The following TP53BP2 variants were observed in gnomAD, a reference collection of about 807,000 sequenced individuals.
The protein encoded by TP53BP2 is apoptosis-stimulating of p53 protein 2.
In TP53BP2, 62 loss-of-function variants were observed where a neutral mutation model predicts 126.2. The observed-to-expected ratio is 0.49, with a 90% CI of 0.40 to 0.61. The LOEUF is 0.61. Among genes scored for constraint, TP53BP2 ranks in the 20% least tolerant of loss-of-function variants. TP53BP2 has a pLI of 0.00. For synonymous variants in TP53BP2, 485 were observed against 502.9 expected, an observed-to-expected ratio of 0.96 and a Z score of 0.48; for missense variants, 1,215 against 1,402.8, an observed-to-expected ratio of 0.87 and a Z score of 2.14.
chr1:223,816,867 A>T (rs1201149915), intron 2 of TP53BP2, among the ~76,000 whole-genome samples: 2 of 151,386 alleles, frequency 1.3e-5, no homozygotes, highest in Admixed American at 6.6e-5. Context: ...AAAAAAAAAA[A>T]TGTGTGGCCT....
At chr1:223,844,577 A>G (rs1249199439) in intron 1 of TP53BP2, among the ~76,000 whole-genome samples, 1 of 152,198 alleles carries the variant, frequency 6.6e-6, no homozygotes, top group Non-Finnish European at 1.5e-5. Flanking sequence ...TGCTATTAAT[A>G]CTTTCAAATT....
intron 15 of TP53BP2, among the ~76,000 whole-genome samples, chr1:223,790,193 T>C (rs1571839386): frequency 6.6e-6 from 1 of 150,622 alleles, no homozygotes; most frequent in Non-Finnish European, 1.5e-5. Context: ...GAGGTGGAGG[T>C]TGCAGTGAGC....
At chr1:223,819,643 G>A (rs1350413616) in intron 2 of TP53BP2, among the ~76,000 whole-genome samples, 4 of 150,626 alleles carry the variant, frequency 2.7e-5, no homozygotes, top group Middle Eastern at 3.4e-3. Flanking sequence ...CCAAGATCGC[G>A]CCACTGCACT....
At chr1:223,807,044 C>T in intron 4 of TP53BP2, 97 bp from the exon 5 acceptor site, 3 of 767,516 alleles carry the variant, frequency 3.9e-6, no homozygotes, top group Non-Finnish European at 6.3e-6. Flanking sequence ...TTCATATGAA[C>T]CAACTATGAC....
intron 17 of TP53BP2, among the ~76,000 whole-genome samples, 171 bp downstream of exon 17, chr1:223,783,944 T>C (rs980792199): frequency 6.6e-6 from 1 of 152,202 alleles, no homozygotes; most frequent in African/African-American, 2.4e-5. Context: ...TTATTGGTCA[T>C]AATAAGAATC....
intron 9 of TP53BP2, 22 bp downstream of exon 9, chr1:223,802,094 T>C (rs1303413580): frequency 6.2e-7 from 1 of 1,608,176 alleles, no homozygotes; most frequent in Admixed American, 1.7e-5. Context: ...CAGGAAGAAC[T>C]AGGCTGTGCA....
Position 223,804,070 on chromosome 1 carries a change from G to A in TP53BP2, c.649+104C>T, listed in dbSNP as rs1033555590. The A allele has an allele frequency of 1.0e-5, 13 of 1,246,710 alleles. No individual in the cohort carries two copies. The African/African-American group carries it at 1.8e-4, about 17-fold the overall frequency. 77.2% of individuals were successfully genotyped at this position (1,246,710 alleles called of 1,614,324 possible). A position where few individuals can be genotyped will look rare whatever the true frequency, so the allele number is the denominator to read the frequency against. ...AGGCTGAGGTGGGAGGATCACTTGA[G>A]GCCACGGTTCAAAAGACCAGCCTGG... On this transcript the variant is annotated intron_variant, in intron 6 of 17. Coordinates refer to ENST00000343537, the MANE Select transcript of TP53BP2 (RefSeq NM_001031685.3).
intron 9 of TP53BP2, 73 bp from the exon 10 acceptor site, chr1:223,800,883 C>T: frequency 9.5e-7 from 1 of 1,050,356 alleles, no homozygotes; most frequent in South Asian, 1.5e-5. Flanking sequence ...ACTGCTAAGA[C>T]TTTTAATCTC....
At chr1:223,833,390 C>T (rs564039686) in intron 1 of TP53BP2, among the ~76,000 whole-genome samples, 13 of 152,224 alleles carry the variant, frequency 8.5e-5, no homozygotes, top group African/African-American at 2.9e-4. Flanking sequence ...AAATCAATAA[C>T]GTGAAGTCTC....
intron 4 of TP53BP2, among the ~76,000 whole-genome samples, chr1:223,810,037 A>G (rs1283205771): frequency 6.6e-6 from 1 of 151,996 alleles, no homozygotes; most frequent in African/African-American, 2.4e-5. Flanking sequence ...TGTTGGTCAG[A>G]CTGGTTTTGA....
intron 3 of TP53BP2, among the ~76,000 whole-genome samples, chr1:223,812,445 T>C (rs1238817315): frequency 2.6e-5 from 4 of 152,146 alleles, no homozygotes; most frequent in Non-Finnish European, 4.4e-5. Flanking sequence ...GCAAATGGTG[T>C]GATCTCGGCT....
In TP53BP2 at chr1:223,814,321, C is replaced by A. The variant is rs1386842771; in HGVS notation, c.208G>T (p.Asp70Tyr). ...TGACTTCCAAATCGTTGAAGAACATCAAACATTCGCTCATTATCCGCAACT... is the reference window on the plus strand; with the variant it reads ...TGACTTCCAAATCGTTGAAGAACATAAAACATTCGCTCATTATCCGCAACT... ...RPVADNERMF[D>Y]VLQRFGSQRN... The change falls in exon 3 of 18, where the codon GAT (aspartate) becomes TAT (tyrosine). Residue 70 changes from aspartate to tyrosine, a missense_variant. This residue lies in a region of TP53BP2 where 814 missense variants were observed against 853.0 expected (regional missense o/e 0.95). Coordinates refer to ENST00000343537, the MANE Select transcript of TP53BP2 (RefSeq NM_001031685.3). The A allele has an allele frequency of 6.2e-7, 1 of 1,613,744 alleles. No individual in the cohort carries two copies. Among genetic ancestry groups the A allele is most frequent in the East Asian group, 2.2e-5 (1 of 44,902 alleles).
At chr1:223,828,275 G>A (rs889273450) in intron 1 of TP53BP2, among the ~76,000 whole-genome samples, 1 of 152,056 alleles carries the variant, frequency 6.6e-6, no homozygotes, top group Admixed American at 6.5e-5. Flanking sequence ...ATCCTATTAT[G>A]CATACACATC....
chr1:223,784,970 T>C (rs1661903290), intron 16 of TP53BP2, among the ~76,000 whole-genome samples: 1 of 152,168 alleles, frequency 6.6e-6, no homozygotes, highest in Non-Finnish European at 1.5e-5. Flanking sequence ...TCCTCAGAAG[T>C]CCACCTTTCA....
chr1:223,845,755 C>G lies in TP53BP2; in HGVS notation c.-75G>C. The G allele has an allele frequency of 1.4e-6, 2 of 1,408,400 alleles. No individual in the cohort carries two copies. Among genetic ancestry groups the G allele is most frequent in the Non-Finnish European group, 9.3e-7 (1 of 1,075,986 alleles). 87.2% of individuals were successfully genotyped at this position (1,408,400 alleles called of 1,614,324 possible). ...GGGTCGCGGATGCGGGGGAGGGGAG[C>G]GGAGAGCGAGGCCGCCCGGACCTGT... On this transcript the variant is annotated 5_prime_UTR_variant, in exon 1 of 18. Coordinates refer to ENST00000343537, the MANE Select transcript of TP53BP2 (RefSeq NM_001031685.3).
intron 1 of TP53BP2, among the ~76,000 whole-genome samples, chr1:223,834,139 G>C (rs564111475): frequency 1.3e-5 from 2 of 152,338 alleles, no homozygotes; most frequent in Admixed American, 6.5e-5. Context: ...GGGAGAACAG[G>C]GGGTAGCTCA....
rs1358027450 is a variant in TP53BP2 at position 223,800,798 on chromosome 1, T to C, written c.1238A>G (p.His413Arg). 1.2e-6 allele frequency: 2 copies of C among 1,604,360 alleles called. No homozygotes were observed. The highest frequency in any genetic ancestry group is 1.7e-4 in the Middle Eastern group (1 of 6,044). ...AASQTKGSKIHPVGPDWSPSN... is the reference protein window; with the variant it reads ...AASQTKGSKIRPVGPDWSPSN... The stretch of plus-strand genomic sequence containing the variant: ...AGGACTCCAATCAGGGCCAACTGGA[T>C]GGATTTTAGAGCCTAAAATACAGAA... The change falls in exon 10 of 18, where the codon CAT (histidine) becomes CGT (arginine). Residue 413 changes from histidine (H) to arginine (R), a missense_variant. Around this residue, in one of 4 missense-constraint regions of TP53BP2, gnomAD observed 814 missense variants for 853.0 expected, o/e 0.95. Transcript: ENST00000343537.
At chr1:223,792,593 T>C (rs1031300336) in intron 14 of TP53BP2, 71 bp from the exon 15 acceptor site, 5 of 1,543,576 alleles carry the variant, frequency 3.2e-6, no homozygotes, top group Non-Finnish European at 4.4e-6. Context: ...AACTGGCTCC[T>C]TTAGGGTCAA....
At chr1:223,845,589 A>T (rs1222153357) in intron 1 of TP53BP2, 65 bp downstream of exon 1, 2 of 1,485,784 alleles carry the variant, frequency 1.3e-6, no homozygotes, top group Non-Finnish European at 1.8e-6. Context: ...GAGGGCGCGG[A>T]CCAGCCCCCG....
Sources: allele counts gnomAD v4.1 joint callset (sites outside exome capture counted in the v4.1 genomes callset), GRCh38; gene constraint gnomAD v4.1.1; regional missense constraint gnomAD v4.1.1; transcripts MANE v1.5; gene names NCBI Gene and HGNC (gene_info 2026-07-23, HGNC 2026-07-21).